The following THRB variants were observed in gnomAD, a reference collection of about 807,000 sequenced individuals.
The protein encoded by THRB is nuclear receptor subfamily 1 group A member 2.
In THRB, 12 loss-of-function variants were observed where a neutral mutation model predicts 47.8. That is an observed-to-expected ratio of 0.25 (90% confidence interval 0.16 to 0.41). The LOEUF (loss-of-function observed/expected upper bound fraction) is 0.41. Ranked by LOEUF, THRB falls within the 10% of genes least tolerant of loss-of-function variation. THRB has a pLI of 1.00. For synonymous variants in THRB, 218 were observed against 212.2 expected, an observed-to-expected ratio of 1.03 and a Z score of -0.24; for missense variants, 348 against 589.2, an observed-to-expected ratio of 0.59 and a Z score of 4.24.
rs2036130477 is a variant in THRB, at chr3:24,146,535, A to G, written c.532+140T>C. The G allele has an allele frequency of 1.9e-5, 17 of 875,380 alleles. No homozygotes were observed. In the South Asian group the frequency reaches 2.6e-4, roughly 13 times the overall value. The allele number at this position is 875,380 out of a possible 1,614,324, so 54.2% of individuals were successfully genotyped here. A position where few individuals can be genotyped will look rare whatever the true frequency, so the allele number is the denominator to read the frequency against. On this transcript the variant is annotated intron_variant, in intron 7 of 10. Transcript: ENST00000646209. ...AGGGCAAGCCTGGATGTGGGGAGTG[A>G]GGGGTGTATGCGAAAGTAAGGTATT...
At chr3:24,427,651 G>A (rs1479430619) in intron 1 of THRB, among the ~76,000 whole-genome samples, 1 of 152,004 alleles carries the variant, frequency 6.6e-6, no homozygotes, top group East Asian at 1.9e-4. Context: ...TATTGAGATA[G>A]TTGTTAAATA....
chr3:24,141,907 T>C (rs1286516304), intron 8 of THRB, among the ~76,000 whole-genome samples: 3 of 152,236 alleles, frequency 2.0e-5, no homozygotes, highest in African/African-American at 7.2e-5. Flanking sequence ...GGTAGGACTC[T>C]GTCTTGCTAT....
At chr3:24,295,238 A>T (rs937402310) in intron 3 of THRB, among the ~76,000 whole-genome samples, 2 of 152,238 alleles carry the variant, frequency 1.3e-5, no homozygotes, top group African/African-American at 4.8e-5. Context: ...CATTTGGAAA[A>T]GCCAAGTAAT....
intron 1 of THRB, among the ~76,000 whole-genome samples, chr3:24,352,404 A>G (rs1486074031): frequency 6.6e-6 from 1 of 152,160 alleles, no homozygotes; most frequent in African/African-American, 2.4e-5. Flanking sequence ...TAGGGCTGTG[A>G]GCTAGAGAAG....
intron 6 of THRB, among the ~76,000 whole-genome samples, chr3:24,147,086 C>T (rs1382582578): frequency 6.6e-6 from 1 of 151,990 alleles, no homozygotes; most frequent in African/African-American, 2.4e-5. Flanking sequence ...CTAGTAGGAA[C>T]ATCTAGCGCT....
intron 1 of THRB, among the ~76,000 whole-genome samples, chr3:24,471,583 T>A (rs1694717996): frequency 6.6e-6 from 1 of 152,200 alleles, no homozygotes; most frequent in Admixed American, 6.5e-5. Context: ...ATTTTGGCTC[T>A]CCTTCCCAGC....
chr3:24,429,080 A>G (rs990003152), intron 1 of THRB, among the ~76,000 whole-genome samples: 1 of 151,844 alleles, frequency 6.6e-6, no homozygotes, highest in African/African-American at 2.4e-5. Context: ...TTGGAAAACA[A>G]TATCCCATAA....
At chr3:24,281,786 T>C (rs2054639243) in intron 3 of THRB, among the ~76,000 whole-genome samples, 1 of 149,806 alleles carries the variant, frequency 6.7e-6, no homozygotes, top group Non-Finnish European at 1.5e-5. Context: ...GTTGCAATCC[T>C]AGTCTCTGAT....
chr3:24,365,974 G>A (rs374929003), intron 1 of THRB, among the ~76,000 whole-genome samples: 12 of 152,114 alleles, frequency 7.9e-5, no homozygotes, highest in East Asian at 5.8e-4. Flanking sequence ...TATTCTAATC[G>A]GGCGTATTTT....
At chr3:24,342,976 C>T (rs1173477501) in intron 1 of THRB, among the ~76,000 whole-genome samples, 1 of 152,114 alleles carries the variant, frequency 6.6e-6, no homozygotes, top group African/African-American at 2.4e-5. Context: ...AGAAACAGTG[C>T]TACAGCTTGA....
intron 8 of THRB, among the ~76,000 whole-genome samples, chr3:24,135,382 C>G (rs1293883877): frequency 6.6e-6 from 1 of 152,104 alleles, no homozygotes; most frequent in African/African-American, 2.4e-5. Flanking sequence ...CTTTTTTTGA[C>G]CATCCAGCAT....
Position 24,118,268 on chromosome 3 carries a change from C to G in THRB, c.*4616G>C, listed in dbSNP as rs1032141725. ...TTAAGCTTATGAGTTTATCTACGCC[C>G]ACTATATTCATAATTACAGTTTTAT... On this transcript the variant is annotated 3_prime_UTR_variant, in exon 11 of 11. Coordinates refer to ENST00000646209, the MANE Select transcript of THRB (RefSeq NM_001354712.2). The G allele has an allele frequency of 1.3e-5, 2 of 152,266 alleles. No homozygotes were observed. The highest frequency in any genetic ancestry group is 2.9e-5 in the Non-Finnish European group (2 of 68,020). The allele number at this position is 152,266 out of a possible 1,614,324, so 9.4% of individuals were successfully genotyped here.
At chr3:24,487,356 A>G (rs2125927579) in intron 1 of THRB, among the ~76,000 whole-genome samples, 1 of 152,186 alleles carries the variant, frequency 6.6e-6, no homozygotes, top group East Asian at 1.9e-4. Flanking sequence ...ACACACACAC[A>G]CACACACACA....
At chr3:24,217,131 T>C (rs1302339870) in intron 4 of THRB, among the ~76,000 whole-genome samples, 1 of 150,260 alleles carries the variant, frequency 6.7e-6, no homozygotes, top group African/African-American at 2.4e-5. Context: ...AATATAAGAA[T>C]GTAATCCTAC....
chr3:24,460,666 T>A (rs2073615563), intron 1 of THRB, among the ~76,000 whole-genome samples: 1 of 152,216 alleles, frequency 6.6e-6, no homozygotes, highest in African/African-American at 2.4e-5. Context: ...TAGTTATGAC[T>A]GAGTGTCAGG....
intron 3 of THRB, among the ~76,000 whole-genome samples, chr3:24,273,254 C>T (rs114470568): frequency 1.8e-3 from 277 of 152,268 alleles, no homozygotes; most frequent in African/African-American, 6.3e-3. Context: ...TTAAGAAATA[C>T]TGAGTAGCTA....
rs1199791473 is a variant in THRB at position 24,120,127 on chromosome 3, G to C, written c.*2757C>G. 1 of 152,220 alleles carries C rather than the reference G, an allele frequency of 6.6e-6. No homozygotes were observed. Among genetic ancestry groups the C allele is most frequent in the Non-Finnish European group, 1.5e-5 (1 of 68,044 alleles). 9.4% of individuals were successfully genotyped at this position (152,220 alleles called of 1,614,324 possible). A position where few individuals can be genotyped will look rare whatever the true frequency, so the allele number is the denominator to read the frequency against. On this transcript the variant is annotated 3_prime_UTR_variant, in exon 11 of 11. Coordinates refer to ENST00000646209, the MANE Select transcript of THRB (RefSeq NM_001354712.2). The stretch of plus-strand genomic sequence containing the variant: ...AATGAGTTTTATGAGATGGAGTCTT[G>C]AGATGCACTAAGTACCTCTGTCAGC...
chr3:24,276,348 T>G (rs1406235152), intron 3 of THRB, among the ~76,000 whole-genome samples: 1 of 152,248 alleles, frequency 6.6e-6, no homozygotes, highest in African/African-American at 2.4e-5. Context: ...TAATCGTGAA[T>G]GCATTCACCA....
chr3:24,465,776 G>T (rs2074095264), intron 1 of THRB, among the ~76,000 whole-genome samples: 3 of 152,140 alleles, frequency 2.0e-5, no homozygotes, highest in African/African-American at 7.2e-5. Flanking sequence ...CTATCTTCAA[G>T]TTCAAGAGAT....
Sources: allele counts gnomAD v4.1 joint callset (sites outside exome capture counted in the v4.1 genomes callset), GRCh38; gene constraint gnomAD v4.1.1; transcripts MANE v1.5; gene names NCBI Gene and HGNC (gene_info 2026-07-23, HGNC 2026-07-21).